Variants in DPP6 observed in about 807,000 individuals in gnomAD.
DPP6 encodes A-type potassium channel modulatory protein DPP6.
DPP6 carries 69 observed loss-of-function variants against 122.6 expected under a neutral mutation model. The observed-to-expected ratio is 0.56, with a 90% CI of 0.46 to 0.69. The LOEUF (loss-of-function observed/expected upper bound fraction) is 0.69. Ranked by LOEUF, DPP6 falls within the 30% of genes least tolerant of loss-of-function variation. The pLI is 0.00. For synonymous variants in DPP6, 418 were observed against 433.1 expected, an observed-to-expected ratio of 0.97 and a Z score of 0.43; for missense variants, 928 against 1,116.9, an observed-to-expected ratio of 0.83 and a Z score of 2.41.
intron 1 of DPP6, among the ~76,000 whole-genome samples, chr7:154,256,334 G>A (rs756232651): frequency 6.6e-6 from 1 of 152,196 alleles, no homozygotes; most frequent in Non-Finnish European, 1.5e-5. Flanking sequence ...GGCCCCTGCA[G>A]AAGGCAGGCA....
chr7:154,131,240 A>T (rs1399033844), intron 1 of DPP6, among the ~76,000 whole-genome samples: 2 of 152,232 alleles, frequency 1.3e-5, no homozygotes, highest in Non-Finnish European at 2.9e-5. Context: ...TTTTAAGCTG[A>T]AATTCTCCAC....
At position 154,246,641 on chromosome 7, in the gene DPP6, A is replaced by G. The variant is rs28820713; in HGVS notation, c.243+193578A>G. Among the ~76,000 whole-genome samples, 1,397 of 152,334 alleles carry G rather than the reference A, an allele frequency of 9.2e-3. 17 individuals carry two copies. Among genetic ancestry groups the G allele is most frequent in the African/African-American group, 0.032 (1,344 of 41,572 alleles). On this transcript the variant is annotated intron_variant, in intron 1 of 25. Transcript: ENST00000377770. The stretch of plus-strand genomic sequence containing the variant: ...CCACAACCTATTTTCAAGATTTACT[A>G]TGAAGTTACAGCAATAAAGTGTGGC...
the DPP6 span, among the ~76,000 whole-genome samples, chr7:153,797,501 G>A: frequency 2.6e-5 from 4 of 152,070 alleles, no homozygotes; most frequent in African/African-American, 9.7e-5. Flanking sequence ...TATACTGTAG[G>A]AGGAAGTCAA....
intron 1 of DPP6, among the ~76,000 whole-genome samples, chr7:153,936,789 T>C (rs1240812724): frequency 2.0e-5 from 3 of 146,724 alleles, no homozygotes; most frequent in African/African-American, 7.8e-5. Context: ...CCAGCCTGGG[T>C]GACAGAGTGA....
At chr7:154,543,267 G>A (rs1828875121) in intron 4 of DPP6, among the ~76,000 whole-genome samples, 1 of 152,158 alleles carries the variant, frequency 6.6e-6, no homozygotes, top group Admixed American at 6.5e-5. Context: ...AAAGGAATTG[G>A]TAAATTCTGT....
At chr7:154,355,348 A>G (rs1286528615) in intron 1 of DPP6, among the ~76,000 whole-genome samples, 1 of 152,164 alleles carries the variant, frequency 6.6e-6, no homozygotes, top group Non-Finnish European at 1.5e-5. Context: ...AATATTTTTC[A>G]CAATGGTGTC....
chr7:154,844,980 GC>G (rs1285796936), intron 16 of DPP6, among the ~76,000 whole-genome samples: 1 of 152,150 alleles, frequency 6.6e-6, no homozygotes, highest in Admixed American at 6.5e-5. Flanking sequence ...AGTGAAAAGG[GC>G]AGGGGATTCC....
the DPP6 span, among the ~76,000 whole-genome samples, chr7:153,855,823 T>C: frequency 1.3e-5 from 2 of 152,132 alleles, no homozygotes; most frequent in Non-Finnish European, 2.9e-5. Context: ...TCTCTGCATA[T>C]GTACTTGGCC....
chr7:154,375,717 A>T (rs2151130764), intron 1 of DPP6, among the ~76,000 whole-genome samples: 1 of 152,272 alleles, frequency 6.6e-6, no homozygotes, highest in African/African-American at 2.4e-5. Flanking sequence ...CCAGCCTCAG[A>T]ACTGTGAAAT....
At chr7:154,494,690 T>C (rs1440481374) in intron 3 of DPP6, among the ~76,000 whole-genome samples, 1 of 152,150 alleles carries the variant, frequency 6.6e-6, no homozygotes, top group Non-Finnish European at 1.5e-5. Flanking sequence ...GACTCTTTTC[T>C]GCAAGAGAAA....
chr7:154,752,736 G>T (rs1407640945), intron 8 of DPP6, among the ~76,000 whole-genome samples: 2 of 152,196 alleles, frequency 1.3e-5, no homozygotes, highest in East Asian at 3.8e-4. Context: ...TACAGTGGCG[G>T]CCGCTCTGTT....
rs1554453709 is a variant in DPP6, at chr7:154,749,225, CA to C, written c.884-20191del. ...TGAGAGAGGGTGAGGGAGCATAGGA[CA>C]GGAGGGAGAGGGATGGAGGCTTTAC... On this transcript the variant is annotated intron_variant, in intron 8 of 25. Coordinates refer to ENST00000377770, the MANE Select transcript of DPP6 (RefSeq NM_130797.4). Among the ~76,000 whole-genome samples the C allele has an allele frequency of 4.2e-4, 28 of 67,190 alleles. 1 individual carries two copies. Among genetic ancestry groups the C allele is most frequent in the African/African-American group, 1.3e-3 (21 of 15,846 alleles). 44.1% of individuals were successfully genotyped at this position (67,190 alleles called of 152,430 possible).
chr7:153,766,922 T>TTTGAAAAATTTGAATTTGAAA, the DPP6 span, among the ~76,000 whole-genome samples: 1 of 152,180 alleles, frequency 6.6e-6, no homozygotes, highest in Non-Finnish European at 1.5e-5. Context: ...AGCCACATAA[T>TTTGAAAAATTTGAATTTGAAA]AATTTGAAAA....
At chr7:154,364,828 G>A (rs148743060) in intron 1 of DPP6, among the ~76,000 whole-genome samples, 45 of 152,216 alleles carry the variant, frequency 3.0e-4, no homozygotes, top group African/African-American at 9.6e-4. Context: ...GAGTTACATC[G>A]GAACCGGCAC....
At chr7:153,925,826 A>G (rs937396701) in intron 1 of DPP6, among the ~76,000 whole-genome samples, 1 of 152,206 alleles carries the variant, frequency 6.6e-6, no homozygotes, top group Non-Finnish European at 1.5e-5. Context: ...TACAAACTCT[A>G]AAGTGCCCAC....
chr7:153,988,677 C>CACCT (rs1796969109), intron 1 of DPP6, among the ~76,000 whole-genome samples: 1 of 152,130 alleles, frequency 6.6e-6, no homozygotes, highest in Non-Finnish European at 1.5e-5. Context: ...GCTTCCTGGT[C>CACCT]GATGGCACGT....
chr7:154,074,293 T>C (rs1803391366), intron 1 of DPP6, among the ~76,000 whole-genome samples: 1 of 151,882 alleles, frequency 6.6e-6, no homozygotes, highest in Non-Finnish European at 1.5e-5. Flanking sequence ...GAGTTGTGAG[T>C]TTCTGCATAT....
chr7:154,166,472 C>T (rs1468635932), intron 1 of DPP6, among the ~76,000 whole-genome samples: 2 of 152,038 alleles, frequency 1.3e-5, no homozygotes, highest in Admixed American at 6.6e-5. Flanking sequence ...GGGCACCTGG[C>T]AGGGAGTGCT....
intron 1 of DPP6, among the ~76,000 whole-genome samples, chr7:154,383,915 A>G (rs1813856787): frequency 6.8e-6 from 1 of 146,384 alleles, no homozygotes; most frequent in Non-Finnish European, 1.5e-5. Context: ...AAAAGTGTTA[A>G]TGAATTCTTT....
Sources: gnomAD v4.1 joint callset for allele counts (sites outside exome capture counted in the v4.1 genomes callset) on GRCh38, gnomAD v4.1.1 for gene constraint, MANE v1.5 for transcripts, NCBI Gene and HGNC (gene_info 2026-07-23, HGNC 2026-07-21) for gene names.